Variants in ICA1 observed in about 807,000 individuals in gnomAD.
ICA1 encodes islet cell autoantigen 1.
ICA1 carries 40 observed loss-of-function variants against 71.0 expected under a neutral mutation model. That is an observed-to-expected ratio of 0.56 (90% confidence interval 0.44 to 0.73). The LOEUF (loss-of-function observed/expected upper bound fraction) is 0.73. ICA1 is among the 30% of genes least tolerant of loss of function. The pLI is 0.00. For missense variants in ICA1, 578 were observed against 576.5 expected (o/e 1.00, Z -0.03); for synonymous variants, 207 against 209.5 (o/e 0.99, Z 0.10).
intron 1 of ICA1, among the ~76,000 whole-genome samples, chr7:8,238,291 C>A (rs1486045153): frequency 6.6e-6 from 1 of 152,206 alleles, no homozygotes; most frequent in Admixed American, 6.5e-5. Context: ...TTCTCCACAT[C>A]CTTGTTAATG....
At chr7:8,194,523 G>A (rs17402300) in intron 6 of ICA1, among the ~76,000 whole-genome samples, 14,233 of 152,172 alleles carry the variant, frequency 0.094, 865 homozygotes, top group Non-Finnish European at 0.14. Context: ...AAACTGGCAA[G>A]AGTCTGACTT....
At chr7:8,142,304 C>A (rs1795510938) in intron 9 of ICA1, among the ~76,000 whole-genome samples, 2 of 152,218 alleles carry the variant, frequency 1.3e-5, no homozygotes, top group African/African-American at 4.8e-5. Flanking sequence ...AGAGACACAT[C>A]ACTGCCCTTG....
chr7:8,243,437 A>G (rs1173835612), intron 1 of ICA1, among the ~76,000 whole-genome samples: 1 of 152,234 alleles, frequency 6.6e-6, no homozygotes, highest in African/African-American at 2.4e-5. Flanking sequence ...AGAGCTATTT[A>G]TGACAAACCC....
At chr7:8,212,038 A>C (rs1409178250) in intron 6 of ICA1, among the ~76,000 whole-genome samples, 1 of 152,210 alleles carries the variant, frequency 6.6e-6, no homozygotes, top group Non-Finnish European at 1.5e-5. Flanking sequence ...CCCATTTGTA[A>C]ATACCAAAGG....
At chr7:8,162,291 T>C (rs2128208854) in intron 6 of ICA1, among the ~76,000 whole-genome samples, 1 of 152,352 alleles carries the variant, frequency 6.6e-6, no homozygotes, top group South Asian at 2.1e-4. Context: ...CTTGACCCAA[T>C]GATTCTGAAA....
intron 1 of ICA1, among the ~76,000 whole-genome samples, chr7:8,240,782 CT>C (rs1190521811): frequency 1.3e-5 from 2 of 152,164 alleles, no homozygotes; most frequent in African/African-American, 4.8e-5. Context: ...GCTTCAACAG[CT>C]GATTCAATCA....
At position 8,232,431 on chromosome 7, in the gene ICA1, G is replaced by A. The variant is rs528663022; in HGVS notation, c.183+159C>T. Reference sequence around the variant, plus strand: ...AGGCATGGTGGTTATGTGAGAATTTGCAGGTTTTAATAAATATGCTGGGAT... The same window carrying A: ...AGGCATGGTGGTTATGTGAGAATTTACAGGTTTTAATAAATATGCTGGGAT... On this transcript the variant is annotated intron_variant, in intron 3 of 13. Transcript: ENST00000402384. Among the ~76,000 whole-genome samples the A allele has an allele frequency of 4.6e-5, 7 of 152,280 alleles. No homozygotes were observed. In the East Asian group the frequency reaches 1.2e-3, roughly 25 times the overall value.
intron 13 of ICA1, 170 bp from the exon 14 acceptor site, chr7:8,114,214 G>T: frequency 1.4e-6 from 1 of 697,440 alleles, no homozygotes; most frequent in Non-Finnish European, 2.4e-6. Context: ...GTGGCTGGTT[G>T]GCCAGTTAAC....
At position 8,261,103 on chromosome 7, in the gene ICA1, C is replaced by A. The variant is rs143033618; in HGVS notation, c.-80+991G>T. Among the ~76,000 whole-genome samples the A allele has an allele frequency of 9.5e-4, 144 of 152,262 alleles. 1 individual carries two copies. Among genetic ancestry groups the A allele is most frequent in the African/African-American group, 3.3e-3 (136 of 41,538 alleles). ...GGCCTTGATAATTTTTATACCGTTA[C>A]CAGATCTCGGTTACTAAGATTCATG... is the stretch of plus-strand genomic sequence containing the variant. On this transcript the variant is annotated intron_variant, in intron 1 of 13. Coordinates refer to ENST00000402384, the MANE Select transcript of ICA1 (RefSeq NM_001136020.3).
chr7:8,181,315 T>C (rs376228722), intron 6 of ICA1, among the ~76,000 whole-genome samples: 1 of 152,204 alleles, frequency 6.6e-6, no homozygotes, highest in South Asian at 2.1e-4. Flanking sequence ...TTATGAACTA[T>C]GTAGTCTGTT....
intron 8 of ICA1, among the ~76,000 whole-genome samples, chr7:8,152,844 A>AT (rs1799916642): frequency 2.1e-5 from 3 of 144,046 alleles, no homozygotes; most frequent in African/African-American, 2.6e-5. Flanking sequence ...CCCCACCACT[A>AT]CCACCATCAC....
rs182125774 is a variant in ICA1, at chr7:8,134,610, C to A, written c.1060+4230G>T. 1.0e-3 allele frequency among the ~76,000 whole-genome samples: 155 copies of A among 152,166 alleles called. 1 individual carries two copies. Among genetic ancestry groups the A allele is most frequent in the African/African-American group, 3.7e-3 (153 of 41,510 alleles). On this transcript the variant is annotated intron_variant, in intron 12 of 13. Transcript: ENST00000402384. ...CACGCTTGCAGTACAGATGAAAAAC[C>A]CCAAACACCAACACTATCCTCACAT... is the stretch of plus-strand genomic sequence containing the variant.
At chr7:8,251,403 A>G (rs764110989) in intron 1 of ICA1, among the ~76,000 whole-genome samples, 1 of 150,252 alleles carries the variant, frequency 6.7e-6, no homozygotes, top group Non-Finnish European at 1.5e-5. Flanking sequence ...TCATCACTTC[A>G]GCGATCTGGC....
At chr7:8,258,720 T>C (rs546675657) in intron 1 of ICA1, among the ~76,000 whole-genome samples, 335 of 152,314 alleles carry the variant, frequency 2.2e-3, no homozygotes, top group African/African-American at 7.8e-3. Flanking sequence ...CATTAGTTAT[T>C]TGTGAAAATT....
At chr7:8,210,118 C>T (rs750417091) in intron 6 of ICA1, among the ~76,000 whole-genome samples, 4 of 152,104 alleles carry the variant, frequency 2.6e-5, no homozygotes, top group Non-Finnish European at 5.9e-5. Context: ...ATTGGACTAG[C>T]ATTAGTGTGG....
At chr7:8,153,607 T>G (rs897491582) in intron 8 of ICA1, among the ~76,000 whole-genome samples, 1 of 152,148 alleles carries the variant, frequency 6.6e-6, no homozygotes, top group African/African-American at 2.4e-5. Flanking sequence ...GTTGGTAATT[T>G]AAGATAGGGT....
At chr7:8,244,986 G>A (rs1583747537) in intron 1 of ICA1, among the ~76,000 whole-genome samples, 1 of 152,300 alleles carries the variant, frequency 6.6e-6, no homozygotes, top group East Asian at 1.9e-4. Context: ...TTCAACTATT[G>A]TGGAAGACAG....
chr7:8,124,416 G>A (rs998627924), intron 13 of ICA1, among the ~76,000 whole-genome samples: 4 of 150,010 alleles, frequency 2.7e-5, no homozygotes, highest in Admixed American at 2.0e-4. Context: ...ACCGCGCCCA[G>A]CCGTGTATAG....
intron 8 of ICA1, among the ~76,000 whole-genome samples, chr7:8,149,692 T>C (rs765285595): frequency 2.0e-5 from 3 of 152,266 alleles, no homozygotes; most frequent in South Asian, 2.1e-4. Context: ...GTATCTTCTC[T>C]AGCCTTTAAT....
Sources: allele counts gnomAD v4.1 joint callset (sites outside exome capture counted in the v4.1 genomes callset), GRCh38; gene constraint gnomAD v4.1.1; transcripts MANE v1.5; gene names NCBI Gene and HGNC (gene_info 2026-07-23, HGNC 2026-07-21).